Variants in PITPNM2 observed in about 807,000 individuals in gnomAD.
The protein encoded by PITPNM2 is membrane-associated phosphatidylinositol transfer protein 2.
Under a neutral mutation model 132.2 loss-of-function variants are expected in PITPNM2, and 35 were observed. The observed-to-expected ratio is 0.26, with a 90% CI of 0.20 to 0.35. The LOEUF (loss-of-function observed/expected upper bound fraction) is 0.35, where lower values mean the gene tolerates loss of function less well. Ranked by LOEUF, PITPNM2 falls within the 10% of genes least tolerant of loss-of-function variation. The probability of loss-of-function intolerance (pLI) is 1.00; values close to 1 mark genes in which losing one functional copy is unlikely to be tolerated. For synonymous variants in PITPNM2, 738 were observed against 799.2 expected, an observed-to-expected ratio of 0.92 and a Z score of 1.29; for missense variants, 1,332 against 1,912.0, an observed-to-expected ratio of 0.70 and a Z score of 5.66.
intron 16 of PITPNM2, chr12:122,991,619 T>C (rs183844525): frequency 6.2e-5 from 60 of 973,832 alleles, no homozygotes; most frequent in Non-Finnish European, 7.8e-5. Flanking sequence ...AGAGCCGTCC[T>C]GCCCAAGTCT....
chr12:123,071,202 C>A (rs1453307122), intron 2 of PITPNM2, among the ~76,000 whole-genome samples: 1 of 152,198 alleles, frequency 6.6e-6, no homozygotes, highest in Non-Finnish European at 1.5e-5. Context: ...GACAGGCATG[C>A]CGGCTCTTCT....
At chr12:122,997,177 C>T (rs969292927) in intron 11 of PITPNM2, 148 bp downstream of exon 11, 19 of 1,248,044 alleles carry the variant, frequency 1.5e-5, no homozygotes, top group South Asian at 1.4e-4. Context: ...TGCGTGTATA[C>T]GTTTGGGCAC....
Position 123,048,766 on chromosome 12 carries a change from C to G in PITPNM2, c.-95-14081G>C, listed in dbSNP as rs912547815. On this transcript the variant is annotated intron_variant, in intron 2 of 25. Transcript: ENST00000320201. ...TTTAGTTTGGGAAGATGAAAAAGTC[C>G]TGGAGATGGATGGTGGTTATGGTTA... is the stretch of plus-strand genomic sequence containing the variant. 2.0e-5 allele frequency among the ~76,000 whole-genome samples: 3 copies of G among 152,232 alleles called. No individual in the cohort carries two copies. The East Asian group carries it at 5.8e-4, about 29-fold the overall frequency.
chr12:123,036,516 C>G lies in PITPNM2; in HGVS notation c.-95-1831G>C, dbSNP rs1379977466. On this transcript the variant is annotated intron_variant, in intron 2 of 25. Coordinates refer to ENST00000320201, the MANE Select transcript of PITPNM2 (RefSeq NM_020845.3). The surrounding 1 kb of genome is among the most constrained non-coding windows in gnomAD (Gnocchi z 4.1). ...CTGGGAAACATAGCAAGACCCTCCTCTCTATTAAAAAAGAACCCAATTCTC... is the reference window on the plus strand; with the variant it reads ...CTGGGAAACATAGCAAGACCCTCCTGTCTATTAAAAAAGAACCCAATTCTC... Among the ~76,000 whole-genome samples the G allele has an allele frequency of 6.6e-6, 1 of 152,196 alleles. No individual in the cohort carries two copies. Among genetic ancestry groups the G allele is most frequent in the African/African-American group, 2.4e-5 (1 of 41,460 alleles).
intron 3 of PITPNM2, among the ~76,000 whole-genome samples, chr12:123,020,035 G>A (rs1013913816): frequency 2.0e-5 from 3 of 152,216 alleles, no homozygotes; most frequent in Admixed American, 6.5e-5. Context: ...TGTAGCCTGC[G>A]AGGCAGGAAG....
intron 1 of PITPNM2, among the ~76,000 whole-genome samples, chr12:123,149,262 T>G (rs2043679995): frequency 6.6e-6 from 1 of 152,114 alleles, no homozygotes; most frequent in African/African-American, 2.4e-5. Flanking sequence ...AATGGCCCAT[T>G]CAACACTCAC....
intron 2 of PITPNM2, among the ~76,000 whole-genome samples, chr12:123,047,654 G>A (rs2040705849): frequency 6.6e-6 from 1 of 152,120 alleles, no homozygotes; most frequent in Admixed American, 6.5e-5. Context: ...TAGGGTCCAG[G>A]TTCTATGATG....
rs143789065 is a variant in PITPNM2, at chr12:123,010,005, T to A, written c.488A>T (p.Gln163Leu). Residue 163 changes from glutamine (Q) to leucine (L), a missense_variant, in exon 6 of 26, where the codon CAG (glutamine) becomes CTG (leucine). Gln to Leu is a moderately radical substitution (Grantham distance 113). Coordinates refer to ENST00000320201, the MANE Select transcript of PITPNM2 (RefSeq NM_020845.3). ...YKTEEDPKLF[Q>L]STKTQRGPLS... The stretch of plus-strand genomic sequence containing the variant: ...GGGCCCCCGCTGGGTCTTGGTTGAC[T>A]GGAACAGCTTGGGGTCCTCTTCTGT... 318 of 1,614,216 alleles carry A rather than the reference T, an allele frequency of 2.0e-4. 4 individuals are homozygous for A. In the South Asian group the frequency reaches 2.6e-3, roughly 13 times the overall value.
Position 123,078,102 on chromosome 12 carries a change from C to T in PITPNM2, c.-96+32283G>A, listed in dbSNP as rs192406387. The stretch of plus-strand genomic sequence containing the variant: ...AGGCCGGAGAGGAAGGGGTGGGGAG[C>T]GGAGAGGGAGGGCGGGAAGGAGGGA... On this transcript the variant is annotated intron_variant, in intron 2 of 25. Coordinates refer to ENST00000320201, the MANE Select transcript of PITPNM2 (RefSeq NM_020845.3). This position sits in a 1 kb window ranked among gnomAD's most constrained non-coding sequence, Gnocchi z 7.3. 7.5e-4 allele frequency among the ~76,000 whole-genome samples: 109 copies of T among 145,174 alleles called. No individual in the cohort carries two copies. The highest frequency in any genetic ancestry group is 3.5e-3 in the Middle Eastern group (1 of 282).
rs2038290005 is a variant in PITPNM2 at position 122,993,518 on chromosome 12, C to T, written c.2234-849G>A. 1.3e-5 allele frequency among the ~76,000 whole-genome samples: 2 copies of T among 152,236 alleles called. No homozygotes were observed. The highest frequency in any genetic ancestry group is 2.1e-4 in the South Asian group (1 of 4,830). On this transcript the variant is annotated intron_variant, in intron 15 of 25. Transcript: ENST00000320201. The surrounding 1 kb of genome is among the most constrained non-coding windows in gnomAD (Gnocchi z 5.2). ...AATGTTGGCGTCTTTCATGTCAGCA[C>T]GTCTAGTTTCTCCTTGCTCTTTTTC...
rs2042829961 is a variant in PITPNM2, at chr12:123,111,365, T to C, written c.-199-877A>G. ...AAGCTGGGAGTGTTTCAGGAACTGA[T>C]GCCCAATTCCAGGGCAACCCTGCTT... On this transcript the variant is annotated intron_variant, in intron 1 of 25. Transcript: ENST00000320201. The surrounding 1 kb of genome is among the most constrained non-coding windows in gnomAD (Gnocchi z 4.1). Among the ~76,000 whole-genome samples the C allele has an allele frequency of 6.6e-6, 1 of 152,238 alleles. No individual in the cohort carries two copies. Among genetic ancestry groups the C allele is most frequent in the Non-Finnish European group, 1.5e-5 (1 of 68,034 alleles).
upstream of PITPNM2, among the ~76,000 whole-genome samples, chr12:123,151,171 G>A (rs1260997771): frequency 6.8e-6 from 1 of 146,394 alleles, no homozygotes; most frequent in Non-Finnish European, 1.5e-5. Flanking sequence ...CGGCGGCGGC[G>A]GCGGCGGGGG....
chr12:123,009,792 C>T lies in PITPNM2; in HGVS notation c.643+58G>A. 1 of 1,475,146 alleles carries T rather than the reference C, an allele frequency of 6.8e-7. No individual in the cohort carries two copies. The highest frequency in any genetic ancestry group is 2.3e-5 in the East Asian group (1 of 44,044). 91.4% of individuals were successfully genotyped at this position (1,475,146 alleles called of 1,614,324 possible). A position where few individuals can be genotyped will look rare whatever the true frequency, so the allele number is the denominator to read the frequency against. ...AGAGAGGAGGCAGACAGGCAGGTGA[C>T]AGGAGACAGAGGGGTTGGGTAGCCC... On this transcript the variant is annotated intron_variant, in intron 6 of 25. Coordinates refer to ENST00000320201, the MANE Select transcript of PITPNM2 (RefSeq NM_020845.3). This position sits in a 1 kb window ranked among gnomAD's most constrained non-coding sequence, Gnocchi z 4.8.
intron 1 of PITPNM2, among the ~76,000 whole-genome samples, chr12:123,112,823 C>T (rs1483602754): frequency 6.6e-6 from 1 of 152,186 alleles, no homozygotes; most frequent in South Asian, 2.1e-4. Context: ...CAGGCGTGAG[C>T]CACTGCACCC....
In PITPNM2 at chr12:122,984,534, T is replaced by C. The variant is rs190794274; in HGVS notation, c.*1493A>G. On this transcript the variant is annotated 3_prime_UTR_variant, in exon 26 of 26. Coordinates refer to ENST00000320201, the MANE Select transcript of PITPNM2 (RefSeq NM_020845.3). ...AAGGTTCCATCCCTCCAGACTTTTTTCTCTGCACAAAATAAATAGCTTTCA... is the reference window on the plus strand; with the variant it reads ...AAGGTTCCATCCCTCCAGACTTTTTCCTCTGCACAAAATAAATAGCTTTCA... 496 of 152,510 alleles carry C rather than the reference T, an allele frequency of 3.3e-3. 2 individuals are homozygous for C. The highest frequency in any genetic ancestry group is 5.8e-3 in the Non-Finnish European group (393 of 68,042). 9.4% of individuals were successfully genotyped at this position (152,510 alleles called of 1,614,324 possible). A position where few individuals can be genotyped will look rare whatever the true frequency, so the allele number is the denominator to read the frequency against.
intron 3 of PITPNM2, among the ~76,000 whole-genome samples, chr12:123,019,863 A>T (rs1389384745): frequency 2.6e-5 from 4 of 152,122 alleles, no homozygotes; most frequent in African/African-American, 9.7e-5. Flanking sequence ...ACTCAGCCTC[A>T]GGGGGGTCAG....
intron 17 of PITPNM2, 41 bp downstream of exon 17, chr12:122,990,504 C>T (rs2038139180): frequency 4.4e-6 from 7 of 1,606,604 alleles, no homozygotes; most frequent in African/African-American, 2.7e-5. Flanking sequence ...GGCACAATGG[C>T]CCTGGCTGAG....
chr12:123,049,199 G>A (rs959638839), intron 2 of PITPNM2, among the ~76,000 whole-genome samples: 1 of 152,108 alleles, frequency 6.6e-6, no homozygotes, highest in African/African-American at 2.4e-5. Context: ...GAGCCACAGT[G>A]GAGAAGCCAG....
chr12:123,045,650 C>A (rs2040628023), intron 2 of PITPNM2, among the ~76,000 whole-genome samples: 1 of 152,196 alleles, frequency 6.6e-6, no homozygotes, highest in Non-Finnish European at 1.5e-5. Context: ...AGGCTGTCAG[C>A]CAACTTACTC....
Sources: gnomAD v4.1 joint callset for allele counts (sites outside exome capture counted in the v4.1 genomes callset) on GRCh38, gnomAD v4.1.1 for gene constraint, Gnocchi (gnomAD v3.1) non-coding constraint, MANE v1.5 for transcripts, NCBI Gene and HGNC (gene_info 2026-07-23, HGNC 2026-07-21) for gene names.